BCOR: variants seen among roughly 807,000 people sequenced by gnomAD.
BCOR encodes BCL-6 corepressor.
In BCOR, 10 loss-of-function variants were observed where a neutral mutation model predicts 86.7. That is an observed-to-expected ratio of 0.12 (90% CI 0.07 to 0.20). The LOEUF is 0.20. Among genes scored for constraint, BCOR ranks in the 10% least tolerant of loss-of-function variants. BCOR has a pLI of 1.00. For synonymous variants in BCOR, 611 were observed against 609.0 expected, an observed-to-expected ratio of 1.00 and a Z score of -0.05; for missense variants, 1,259 against 1,452.1, an observed-to-expected ratio of 0.87 and a Z score of 2.16.
chrX:40,113,098 C>T (rs1198632112), intron 1 of BCOR, among the ~76,000 whole-genome samples: 2 of 107,545 alleles, frequency 1.9e-5, no homozygotes, highest in Non-Finnish European at 1.9e-5. Context: ...GATTATTATA[C>T]AGGATGATTA....
chrX:40,123,652 C>T (rs1417605088), intron 1 of BCOR, among the ~76,000 whole-genome samples: 3 of 111,177 alleles, frequency 2.7e-5, no homozygotes, highest in Non-Finnish European at 5.7e-5. Flanking sequence ...CGCGCCCGGC[C>T]TTCTTTTTTT....
rs727503826 is a variant in BCOR at position 40,074,570 on chromosome X, G to A, written c.776C>T (p.Ser259Leu). The change falls in exon 4 of 15, where the codon TCG becomes TTG. Residue 259 changes from serine to leucine, a missense_variant. By Grantham distance (145) the Ser-to-Leu change is moderately radical. This residue lies in a region of BCOR where 534 missense variants were observed against 594.8 expected (regional missense o/e 0.90). Coordinates refer to ENST00000378444, the MANE Select transcript of BCOR (RefSeq NM_001123385.2). ...PPHYVGPHIP[S>L]SLASPMRLST... is the part of the protein sequence containing the mutation. ...GAGCCTCATGGGTGATGCCAAGGAC[G>A]ATGGGATGTGGGGACCGACGTAGTG... 3 of 1,211,808 alleles carry A rather than the reference G, an allele frequency of 2.5e-6. No homozygotes were observed. The highest frequency in any genetic ancestry group is 3.4e-6 in the Non-Finnish European group (3 of 895,331).
intron 1 of BCOR, among the ~76,000 whole-genome samples, chrX:40,147,212 G>A (rs368797311): frequency 1.8e-5 from 2 of 112,113 alleles, no homozygotes; most frequent in South Asian, 3.7e-4. Flanking sequence ...CTTTCTTGGC[G>A]GCTTACAGTC....
At position 40,126,030 on chromosome X, in the gene BCOR, T is replaced by C. The variant is rs767065077; in HGVS notation, c.-40-48061A>G. 5.6e-5 allele frequency among the ~76,000 whole-genome samples: 6 copies of C among 106,354 alleles called. No homozygotes were observed. In the South Asian group the frequency reaches 2.5e-3, roughly 44 times the overall value. 92.4% of individuals were successfully genotyped at this position (106,354 alleles called of 115,157 possible). On this transcript the variant is annotated intron_variant, in intron 1 of 14. Transcript: ENST00000342274. ...ATTGAGACCATCCTGGCCAACATGG[T>C]GAAACCCCGTCTCTACTAAAAAAAA...
chrX:40,092,797 T>C (rs1304690469), intron 1 of BCOR, among the ~76,000 whole-genome samples: 2 of 112,412 alleles, frequency 1.8e-5, no homozygotes, highest in Admixed American at 1.9e-4. Flanking sequence ...CATCCATCCT[T>C]TAGGCTGCTA....
At chrX:40,058,660 A>C (rs1344450445) in intron 10 of BCOR, among the ~76,000 whole-genome samples, 1 of 111,891 alleles carries the variant, frequency 8.9e-6, no homozygotes, top group Non-Finnish European at 1.9e-5. Context: ...GCACGCTGGT[A>C]ACCCTGGCCG....
chrX:40,080,437 A>G (rs1413061888), intron 1 of BCOR, among the ~76,000 whole-genome samples: 1 of 111,038 alleles, frequency 9.0e-6, no homozygotes, highest in Non-Finnish European at 1.9e-5. Context: ...GCAAAACTCA[A>G]AAAACAAACA....
chrX:40,113,912 G>A (rs751641881), intron 1 of BCOR, among the ~76,000 whole-genome samples: 4 of 109,770 alleles, frequency 3.6e-5, no homozygotes, highest in Admixed American at 9.8e-5. Flanking sequence ...TCTGCCACCC[G>A]GGTTCAAGTG....
At chrX:40,101,192 G>T (rs982549863), upstream of BCOR, among the ~76,000 whole-genome samples, 2 of 111,260 alleles carry the variant, frequency 1.8e-5, no homozygotes, top group African/African-American at 6.5e-5. Context: ...ACTTAAGAAG[G>T]GGCTCAGGGA....
intron 1 of BCOR, among the ~76,000 whole-genome samples, chrX:40,140,359 G>A (rs1602259351): frequency 9.1e-6 from 1 of 109,863 alleles, no homozygotes; most frequent in African/African-American, 3.3e-5. Context: ...ACCTACTCGG[G>A]AGGCTGAGGC....
chrX:40,123,795 T>TTG (rs59910543), intron 1 of BCOR, among the ~76,000 whole-genome samples: 7,245 of 103,870 alleles, frequency 0.07, 217 homozygotes, highest in Middle Eastern at 0.078. Flanking sequence ...GGTTTCCTGG[T>TTG]TGTGTGTGTG....
intron 1 of BCOR, among the ~76,000 whole-genome samples, chrX:40,135,319 C>T (rs1937656160): frequency 9.0e-6 from 1 of 111,209 alleles, no homozygotes; most frequent in Non-Finnish European, 1.9e-5. Flanking sequence ...CCCACCTGTA[C>T]CTTTCCTGCA....
rs17145653 is a variant in BCOR, at chrX:40,073,696, G to A, written c.1650C>T (p.Thr550=). The A allele has an allele frequency of 8.8e-3, 10,625 of 1,211,722 alleles. 37 individuals are homozygous for A. Among genetic ancestry groups the A allele is most frequent in the Non-Finnish European group, 0.011 (9,649 of 895,530 alleles). ...RSSSCPRMGG[T]DAVITNVSGS... ...CTGAAACGTTAGTGATGACAGCATC[G>A]GTGCCGCCCATGCGCGGGCATGATG... Residue 550 remains threonine (T), a synonymous_variant, in exon 4 of 15, where the codon ACC becomes ACT. Transcript: ENST00000378444.
At chrX:40,088,301 A>C (rs1372568277) in intron 1 of BCOR, among the ~76,000 whole-genome samples, 1 of 112,768 alleles carries the variant, frequency 8.9e-6, no homozygotes, top group African/African-American at 3.2e-5. Context: ...CACTACCTTT[A>C]AAATCGTGCG....
At chrX:40,081,834 G>C (rs1408338924) in intron 1 of BCOR, among the ~76,000 whole-genome samples, 1 of 112,168 alleles carries the variant, frequency 8.9e-6, no homozygotes, top group Non-Finnish European at 1.9e-5. Flanking sequence ...GGAGGGTGTG[G>C]GTCTCTAAAG....
chrX:40,139,479 ATATATATATATATATATATTT>A (rs1937846545), intron 1 of BCOR, among the ~76,000 whole-genome samples: 2 of 11,883 alleles, frequency 1.7e-4, no homozygotes, highest in Admixed American at 1.6e-3. Flanking sequence ...ATATATATAT[ATATATATATATATATATATTT>A]TTTTTTTTTT....
intron 4 of BCOR, 198 bp downstream of exon 4, chrX:40,072,151 T>C (rs1248473002): frequency 1.3e-5 from 6 of 452,119 alleles, no homozygotes; most frequent in Non-Finnish European, 2.3e-5. Flanking sequence ...ATCTACAGAA[T>C]AACTTAAAGC....
At chrX:40,127,179 C>T (rs1256028106) in intron 1 of BCOR, among the ~76,000 whole-genome samples, 2 of 112,307 alleles carry the variant, frequency 1.8e-5, no homozygotes, top group Non-Finnish European at 3.8e-5. Flanking sequence ...TGTGTGACTT[C>T]TGAGGAGAAG....
intron 1 of BCOR, among the ~76,000 whole-genome samples, chrX:40,127,292 G>C (rs1937554952): frequency 8.9e-6 from 1 of 112,019 alleles, no homozygotes; most frequent in East Asian, 2.8e-4. Flanking sequence ...AGGCCACAGG[G>C]AGAAGAGTGA....
Sources: allele counts gnomAD v4.1 joint callset (sites outside exome capture counted in the v4.1 genomes callset), GRCh38; gene constraint gnomAD v4.1.1; regional missense constraint gnomAD v4.1.1; transcripts MANE v1.5; gene names NCBI Gene and HGNC (gene_info 2026-07-23, HGNC 2026-07-21).